The following MSH3 variants were observed in gnomAD, a reference collection of about 807,000 sequenced individuals.
The protein encoded by MSH3 is mutS homolog 3, also known as DNA mismatch repair protein Msh3.
MSH3 carries 106 observed loss-of-function variants against 123.3 expected under a neutral mutation model. The observed-to-expected ratio is 0.86, with a 90% CI of 0.73 to 1.01. MSH3 has a LOEUF of 1.01. MSH3 is among the 50% of genes least tolerant of loss of function. The pLI is 0.00. For missense variants in MSH3, 1,459 were observed against 1,347.6 expected (o/e 1.08, Z -1.29); for synonymous variants, 515 against 481.4 (o/e 1.07, Z -0.91).
chr5:80,659,557 C>T lies in MSH3; in HGVS notation c.358+3026C>T, dbSNP rs143987342. On this transcript the variant is annotated intron_variant, in intron 2 of 23. Transcript: ENST00000265081. ...TACTGTAATGTTTTCAAGGCTCATC[C>T]GTGTTGTAGCATGTATCAGTACTTC... Among the ~76,000 whole-genome samples the T allele has an allele frequency of 4.0e-3, 608 of 152,254 alleles. 3 individuals are homozygous for T. The highest frequency in any genetic ancestry group is 0.014 in the African/African-American group (570 of 41,530).
At position 80,654,886 on chromosome 5, in the gene MSH3, GGCTGCAGCGGCCGCAGCGGCC is replaced by G. The variant is rs1749201998; in HGVS notation, c.162_182del (p.Ala56_Ala62del). 1.2e-6 allele frequency: 1 copy of G among 854,376 alleles called. No individual in the cohort carries two copies. The allele number at this position is 854,376 out of a possible 1,614,324, so 52.9% of individuals were successfully genotyped here. ...ACCAGGTGGACCCTGGCGCTGCAGC[GGCTGCAGCGGCCGCAGCGGCC>G]GCAGCGCCCCCAGCGCCCCCAGCTC... is the stretch of plus-strand genomic sequence containing the variant. On this transcript the variant is annotated inframe_deletion, in exon 1 of 24. Coordinates refer to ENST00000265081, the MANE Select transcript of MSH3 (RefSeq NM_002439.5).
At chr5:80,687,530 A>G (rs1750120241) in intron 8 of MSH3, among the ~76,000 whole-genome samples, 1 of 151,994 alleles carries the variant, frequency 6.6e-6, no homozygotes, top group Non-Finnish European at 1.5e-5. Flanking sequence ...GAGGTGGGGT[A>G]GGCTGGTACA....
At chr5:80,746,694 G>C (rs1743726694) in intron 12 of MSH3, 1 of 345,318 alleles carries the variant, frequency 2.9e-6, no homozygotes, top group Non-Finnish European at 5.9e-6. Flanking sequence ...TGGTAGAGGA[G>C]CTGGGTCGTT....
chr5:80,764,804 TA>T (rs1238069698), intron 13 of MSH3, among the ~76,000 whole-genome samples: 1 of 152,234 alleles, frequency 6.6e-6, no homozygotes, highest in East Asian at 1.9e-4. Context: ...TGAATACATT[TA>T]AAGGATAATC....
chr5:80,743,153 G>A (rs1404237550), intron 11 of MSH3, among the ~76,000 whole-genome samples: 1 of 152,108 alleles, frequency 6.6e-6, no homozygotes, highest in Non-Finnish European at 1.5e-5. Context: ...ACACGTATCT[G>A]TCCCTCCTCT....
In MSH3 at chr5:80,840,059, A is replaced by G. The variant is rs868579556; in HGVS notation, c.2814-14071A>G. 1.1e-3 allele frequency among the ~76,000 whole-genome samples: 175 copies of G among 152,348 alleles called. 2 individuals are homozygous for G. The highest frequency in any genetic ancestry group is 6.8e-3 in the Middle Eastern group (2 of 294). On this transcript the variant is annotated intron_variant, in intron 20 of 23. Transcript: ENST00000265081. ...TATGAAGAAATTTTTTATCAATTCA[A>G]GCTTGAGCCGTTCTTCTTCTCAGCT...
chr5:80,835,068 A>G (rs572524817), intron 20 of MSH3, among the ~76,000 whole-genome samples: 122 of 152,348 alleles, frequency 8.0e-4, no homozygotes, highest in Admixed American at 1.6e-3. Context: ...TGCCTCAAAG[A>G]TGGCAAAGAA....
At chr5:80,663,062 C>G (rs911715657) in intron 2 of MSH3, among the ~76,000 whole-genome samples, 1 of 152,018 alleles carries the variant, frequency 6.6e-6, no homozygotes, top group Non-Finnish European at 1.5e-5. Context: ...TAGGGAGACC[C>G]TGTCTATACA....
intron 17 of MSH3, among the ~76,000 whole-genome samples, chr5:80,780,791 C>T (rs914356541): frequency 4.6e-5 from 7 of 152,078 alleles, no homozygotes; most frequent in East Asian, 1.9e-4. Context: ...TCACTTGAAC[C>T]GGGGAGGCGG....
chr5:80,737,623 C>T (rs921395563), intron 10 of MSH3, among the ~76,000 whole-genome samples: 4 of 152,020 alleles, frequency 2.6e-5, no homozygotes, highest in Admixed American at 6.6e-5. Context: ...GGTCAGTGAT[C>T]GGATACTATT....
chr5:80,655,825 A>G (rs1365020665), intron 1 of MSH3, among the ~76,000 whole-genome samples: 1 of 152,116 alleles, frequency 6.6e-6, no homozygotes. Flanking sequence ...AGGACGAGCT[A>G]CGTTTTCATG....
chr5:80,672,777 A>G lies in MSH3; in HGVS notation c.946A>G (p.Lys316Glu). ...GAAGCAAACTGAAACTGCAGCATTA[A>G]AGGCCATTGGAGACAACAGAAGTTC... ...VVKQTETAAL[K>E]AIGDNRSSLF... Residue 316 changes from lysine (K) to glutamate (E), a missense_variant, in exon 6 of 24, where the codon AAG (lysine) becomes GAG (glutamate). Transcript: ENST00000265081. The G allele has an allele frequency of 6.2e-7, 1 of 1,614,146 alleles. No individual in the cohort carries two copies. Among genetic ancestry groups the G allele is most frequent in the East Asian group, 2.2e-5 (1 of 44,864 alleles).
chr5:80,695,066 G>A (rs1427754242), intron 8 of MSH3, among the ~76,000 whole-genome samples: 1 of 144,970 alleles, frequency 6.9e-6, no homozygotes, highest in Non-Finnish European at 1.5e-5. Flanking sequence ...TTTTGTTGTT[G>A]GTGGTGGTGT....
intron 12 of MSH3, among the ~76,000 whole-genome samples, chr5:80,756,194 T>TA (rs1743922792): frequency 6.6e-6 from 1 of 151,308 alleles, no homozygotes; most frequent in Admixed American, 6.6e-5. Flanking sequence ...CTATTGAAAT[T>TA]AAAAAAAGAA....
In MSH3 at chr5:80,654,853, T is replaced by C. The variant is rs1580538076; in HGVS notation, c.126T>C (p.Gly42=). 5.6e-6 allele frequency: 9 copies of C among 1,600,096 alleles called. No homozygotes were observed. Among genetic ancestry groups the C allele is most frequent in the Non-Finnish European group, 7.7e-6 (9 of 1,173,992 alleles). The change falls in exon 1 of 24, where the codon GGT becomes GGC. Residue 42 remains glycine (G), a synonymous_variant. Coordinates refer to ENST00000265081, the MANE Select transcript of MSH3 (RefSeq NM_002439.5). ...GSLKSTSSST[G]AADQVDPGAA... ...TGAAATCCACCTCCTCCTCCACAGG[T>C]GCAGCCGACCAGGTGGACCCTGGCG...
At chr5:80,873,049 C>A in intron 22 of MSH3, 67 bp from the exon 23 acceptor site, 1 of 1,357,154 alleles carries the variant, frequency 7.4e-7, no homozygotes, top group Non-Finnish European at 1.1e-6. Context: ...ACTTACATGT[C>A]CTTTTTAATC....
At chr5:80,789,507 A>C (rs1319988438) in intron 18 of MSH3, among the ~76,000 whole-genome samples, 2 of 151,974 alleles carry the variant, frequency 1.3e-5, no homozygotes, top group Non-Finnish European at 2.9e-5. Context: ...AGTAGCTGAG[A>C]TTACAGGCGT....
intron 12 of MSH3, among the ~76,000 whole-genome samples, chr5:80,749,872 C>T (rs1743801352): frequency 6.6e-6 from 1 of 152,028 alleles, no homozygotes; most frequent in Admixed American, 6.6e-5. Flanking sequence ...CCCCATCTAC[C>T]CTCTCCCCTA....
rs1404800640 is a variant in MSH3 at position 80,654,942 on chromosome 5, C to T, written c.215C>T (p.Pro72Leu). The change falls in exon 1 of 24, where the codon CCG (proline) becomes CTG (leucine). Residue 72 changes from proline to leucine, a missense_variant. Pro to Leu is a moderately conservative substitution (Grantham distance 98). Coordinates refer to ENST00000265081, the MANE Select transcript of MSH3 (RefSeq NM_002439.5). Reference protein sequence around the residue: ...APPAPPAPAFPPQLPPHIATE... With the variant: ...APPAPPAPAFLPQLPPHIATE... ...CCAGCGCCCCCAGCTCCCGCCTTCCCGCCCCAGCTGCCGCCGCACATAGTA... is the reference window on the plus strand; with the variant it reads ...CCAGCGCCCCCAGCTCCCGCCTTCCTGCCCCAGCTGCCGCCGCACATAGTA... 8.7e-6 allele frequency: 13 copies of T among 1,493,186 alleles called. No individual in the cohort carries two copies. In the Middle Eastern group the frequency reaches 5.4e-4, roughly 62 times the overall value. 92.5% of individuals were successfully genotyped at this position (1,493,186 alleles called of 1,614,324 possible).
Sources: allele counts gnomAD v4.1 joint callset (sites outside exome capture counted in the v4.1 genomes callset), GRCh38; gene constraint gnomAD v4.1.1; transcripts MANE v1.5; gene names NCBI Gene and HGNC (gene_info 2026-07-23, HGNC 2026-07-21).